SOX5: variants seen among roughly 807,000 people sequenced by gnomAD.
The protein encoded by SOX5 is SRY-box transcription factor 5.
Under a neutral mutation model 92.0 loss-of-function variants are expected in SOX5, and 9 were observed. That is an observed-to-expected ratio of 0.10 (90% CI 0.06 to 0.17). SOX5 has a LOEUF of 0.17. SOX5 is among the 10% of genes least tolerant of loss of function. SOX5 has a pLI of 1.00. For synonymous variants in SOX5, 344 were observed against 336.3 expected (o/e 1.02, Z -0.25); for missense variants, 642 against 944.5 (o/e 0.68, Z 4.20).
At chr12:23,831,852 T>A (rs965993707) in intron 3 of SOX5, among the ~76,000 whole-genome samples, 1 of 151,850 alleles carries the variant, frequency 6.6e-6, no homozygotes, top group Non-Finnish European at 1.5e-5. Context: ...ACACTCATCA[T>A]GGCAAAACAA....
chr12:23,643,299 T>C (rs2080366904), intron 7 of SOX5, among the ~76,000 whole-genome samples: 1 of 152,172 alleles, frequency 6.6e-6, no homozygotes, highest in Non-Finnish European at 1.5e-5. Flanking sequence ...ACTGGGTTTG[T>C]AAACACAGAT....
At chr12:23,805,422 C>T (rs981302615) in intron 3 of SOX5, among the ~76,000 whole-genome samples, 4 of 151,572 alleles carry the variant, frequency 2.6e-5, no homozygotes, top group South Asian at 2.1e-4. Flanking sequence ...ACATGTAAAG[C>T]GCAATGCCTG....
At chr12:24,167,545 C>T (rs1331621762) in intron 4 of SOX5, among the ~76,000 whole-genome samples, 2 of 152,148 alleles carry the variant, frequency 1.3e-5, no homozygotes, top group African/African-American at 2.4e-5. Flanking sequence ...AATGTGTCCC[C>T]TTCCACTCTT....
intron 4 of SOX5, among the ~76,000 whole-genome samples, chr12:24,161,733 T>C (rs1185760509): frequency 6.6e-6 from 1 of 152,006 alleles, no homozygotes; most frequent in Non-Finnish European, 1.5e-5. Flanking sequence ...ATAAAACTGA[T>C]AAAGATTAAC....
At chr12:23,889,824 C>T (rs1444343379) in intron 2 of SOX5, among the ~76,000 whole-genome samples, 2 of 151,966 alleles carry the variant, frequency 1.3e-5, no homozygotes, top group Non-Finnish European at 2.9e-5. Context: ...AGATATATGA[C>T]AAAATCAAAC....
intron 3 of SOX5, among the ~76,000 whole-genome samples, chr12:23,843,055 G>C (rs1381320751): frequency 6.6e-6 from 1 of 152,160 alleles, no homozygotes; most frequent in East Asian, 1.9e-4. Context: ...TTTTACTTCT[G>C]TGGTCTTCCT....
At chr12:24,073,049 A>AT (rs1004794775) in intron 4 of SOX5, among the ~76,000 whole-genome samples, 10 of 152,056 alleles carry the variant, frequency 6.6e-5, no homozygotes, top group Non-Finnish European at 5.9e-5. Context: ...CAAAACAAAG[A>AT]TTTTTTTTCT....
intron 1 of SOX5, among the ~76,000 whole-genome samples, chr12:24,454,363 C>T (rs968347980): frequency 6.6e-6 from 1 of 152,204 alleles, no homozygotes; most frequent in Admixed American, 6.5e-5. Context: ...TCAGACATAT[C>T]ACTTGCACCT....
chr12:23,708,009 G>A (rs1170382259), intron 6 of SOX5, among the ~76,000 whole-genome samples: 4 of 151,576 alleles, frequency 2.6e-5, no homozygotes, highest in Non-Finnish European at 5.9e-5. Context: ...TATATGGTGC[G>A]AAAACAAAAA....
intron 4 of SOX5, among the ~76,000 whole-genome samples, chr12:24,043,300 A>T (rs1175019070): frequency 6.6e-6 from 1 of 152,222 alleles, no homozygotes; most frequent in South Asian, 2.1e-4. Flanking sequence ...ACTGGTATTT[A>T]TTTGGTACCT....
chr12:24,101,745 C>T (rs1049250091), intron 4 of SOX5, among the ~76,000 whole-genome samples: 1 of 152,112 alleles, frequency 6.6e-6, no homozygotes, highest in Non-Finnish European at 1.5e-5. Context: ...TCCTACTATC[C>T]TATGCTTCTC....
At chr12:24,056,844 G>T (rs1037115159) in intron 4 of SOX5, among the ~76,000 whole-genome samples, 3 of 148,330 alleles carry the variant, frequency 2.0e-5, no homozygotes, top group African/African-American at 7.4e-5. Flanking sequence ...GCGTAGTGGC[G>T]GGCGCCTGTA....
At chr12:24,210,579 A>G (rs778873750) in intron 4 of SOX5, among the ~76,000 whole-genome samples, 7 of 152,246 alleles carry the variant, frequency 4.6e-5, no homozygotes, top group Non-Finnish European at 7.3e-5. Flanking sequence ...ATAAATGGCA[A>G]ACAAATGAGA....
intron 3 of SOX5, among the ~76,000 whole-genome samples, chr12:24,267,844 G>A (rs1296124059): frequency 2.0e-5 from 3 of 152,098 alleles, no homozygotes; most frequent in African/African-American, 4.8e-5. Flanking sequence ...TTCTTAAGGA[G>A]CAGATTTTCT....
intron 3 of SOX5, among the ~76,000 whole-genome samples, chr12:23,827,321 CA>C (rs771297024): frequency 9.9e-5 from 15 of 152,094 alleles, no homozygotes; most frequent in Non-Finnish European, 2.1e-4. Context: ...ATAAAATCTT[CA>C]AAAATTATTT....
chr12:24,033,963 A>G (rs568323120), intron 4 of SOX5, among the ~76,000 whole-genome samples: 9 of 152,150 alleles, frequency 5.9e-5, no homozygotes, highest in Non-Finnish European at 1.2e-4. Context: ...ATAGGTCATA[A>G]TAAGACCAGT....
intron 13 of SOX5, among the ~76,000 whole-genome samples, chr12:23,539,034 T>C (rs1182722505): frequency 1.3e-5 from 2 of 151,832 alleles, no homozygotes; most frequent in Admixed American, 6.6e-5. Context: ...GTCAATCTCC[T>C]GATCTCGTGA....
intron 4 of SOX5, among the ~76,000 whole-genome samples, chr12:23,984,237 G>T (rs1949857353): frequency 6.6e-6 from 1 of 152,016 alleles, no homozygotes; most frequent in Admixed American, 6.6e-5. Flanking sequence ...AGAAATTGAG[G>T]GACACAGAAA....
chr12:24,492,949 AAAC>A (rs1306693881), intron 1 of SOX5, among the ~76,000 whole-genome samples: 1 of 152,194 alleles, frequency 6.6e-6, no homozygotes, highest in Non-Finnish European at 1.5e-5. Context: ...CTGCTCCAGT[AAAC>A]AAAATATTTT....
Sources: gnomAD v4.1 joint callset for allele counts (sites outside exome capture counted in the v4.1 genomes callset) on GRCh38, gnomAD v4.1.1 for gene constraint, MANE v1.5 for transcripts, NCBI Gene and HGNC (gene_info 2026-07-23, HGNC 2026-07-21) for gene names.